Variants in MTPN observed in about 807,000 individuals in gnomAD.
MTPN encodes granule cell differentiation protein.
A neutral mutation model predicts 13.5 loss-of-function variants in MTPN; 2 were observed. The observed-to-expected ratio is 0.15, with a 90% CI of 0.06 to 0.47. The LOEUF is 0.47. Among genes scored for constraint, MTPN ranks in the 20% least tolerant of loss-of-function variants. The probability of loss-of-function intolerance (pLI) is 0.97; values close to 1 mark genes in which losing one functional copy is unlikely to be tolerated. For synonymous variants in MTPN, 46 were observed against 51.7 expected, an observed-to-expected ratio of 0.89 and a Z score of 0.48; for missense variants, 79 against 137.9, an observed-to-expected ratio of 0.57 and a Z score of 2.14.
At chr7:135,932,612 C>T (rs1799041103) in intron 3 of MTPN, 1 of 151,696 alleles carries the variant, frequency 6.6e-6, no homozygotes, top group Non-Finnish European at 1.5e-5. Context: ...ATATATACTT[C>T]TTTAAAAATA....
At chr7:135,954,566 T>A (rs1486106376) in intron 1 of MTPN, among the ~76,000 whole-genome samples, 1 of 152,214 alleles carries the variant, frequency 6.6e-6, no homozygotes, top group Non-Finnish European at 1.5e-5. Context: ...GACGAGTCTT[T>A]AGAGTGAGAC....
At chr7:135,961,934 G>C (rs1167440542) in intron 1 of MTPN, among the ~76,000 whole-genome samples, 1 of 151,954 alleles carries the variant, frequency 6.6e-6, no homozygotes, top group East Asian at 1.9e-4. Context: ...AGCTAGTTAT[G>C]AATTATCTGA....
rs1166194150 is a variant in MTPN, at chr7:135,951,519, T to C, written c.184A>G (p.Asn62Asp). 2.5e-6 allele frequency: 4 copies of C among 1,608,662 alleles called. No homozygotes were observed. Among genetic ancestry groups the C allele is most frequent in the Non-Finnish European group, 3.4e-6 (4 of 1,176,500 alleles). The change falls in exon 2 of 4, where the codon AAT becomes GAT. Residue 62 changes from asparagine (N) to aspartate (D), a missense_variant and splice_region_variant. Physicochemically the swap from Asn to Asp is conservative, Grantham distance 23 (BLOSUM62 1). Transcript: ENST00000393085. ...GAATGATCACGTCCTCTACGTACATTAATATCTGCTCCTTTCAGCAGCAGA... is the reference window on the plus strand; with the variant it reads ...GAATGATCACGTCCTCTACGTACATCAATATCTGCTCCTTTCAGCAGCAGA... ...EFLLLKGADI[N>D]APDKHHITPL...
Position 135,927,619 on chromosome 7 carries a change from AGTG to A in MTPN, c.*2304_*2306del. On this transcript the variant is annotated 3_prime_UTR_variant, in exon 4 of 4. Coordinates refer to ENST00000393085, the MANE Select transcript of MTPN (RefSeq NM_145808.4). ...TTAAGTGTTGTGAATTTGTCTGCCA[AGTG>A]GTTCAGAAATACATTATAAATAACC... is the stretch of plus-strand genomic sequence containing the variant. The A allele has an allele frequency of 1.5e-6, 1 of 667,132 alleles. No individual in the cohort carries two copies. The highest frequency in any genetic ancestry group is 2.8e-6 in the Non-Finnish European group (1 of 359,174). The allele number at this position is 667,132 out of a possible 1,614,324, so 41.3% of individuals were successfully genotyped here.
At chr7:135,950,759 T>C (rs1584812199) in intron 2 of MTPN, 77 bp from the exon 3 acceptor site, 1 of 1,148,786 alleles carries the variant, frequency 8.7e-7, no homozygotes, top group East Asian at 2.4e-5. Flanking sequence ...AGAAAACTCT[T>C]TCTAGATTTA....
At chr7:135,976,738 C>G (rs1799778714) in intron 1 of MTPN, among the ~76,000 whole-genome samples, 1 of 152,172 alleles carries the variant, frequency 6.6e-6, no homozygotes, top group African/African-American at 2.4e-5. Flanking sequence ...GCAGAAGAAA[C>G]TCTGGATGAG....
chr7:135,946,186 T>C (rs1272234386), intron 3 of MTPN, among the ~76,000 whole-genome samples: 1 of 152,216 alleles, frequency 6.6e-6, no homozygotes. Context: ...AGCCCCCTTC[T>C]AATGTGTTTG....
intron 1 of MTPN, among the ~76,000 whole-genome samples, chr7:135,972,226 C>T (rs1332092370): frequency 3.3e-5 from 4 of 121,732 alleles, no homozygotes; most frequent in South Asian, 2.6e-4. Context: ...CACGCGCACG[C>T]GCGCGCACAC....
chr7:135,950,082 G>C (rs1173053336), intron 3 of MTPN, among the ~76,000 whole-genome samples: 1 of 152,070 alleles, frequency 6.6e-6, no homozygotes, highest in Non-Finnish European at 1.5e-5. Flanking sequence ...GCTTATAATA[G>C]CAAAGACAAA....
chr7:135,950,786 G>A, intron 2 of MTPN, 104 bp from the exon 3 acceptor site: 2 of 885,618 alleles, frequency 2.3e-6, no homozygotes, highest in Non-Finnish European at 3.6e-6. Context: ...TGCCTTTCTA[G>A]AAAATCAATC....
At chr7:135,952,568 T>C (rs1476165784) in intron 1 of MTPN, among the ~76,000 whole-genome samples, 1 of 152,182 alleles carries the variant, frequency 6.6e-6, no homozygotes, top group Non-Finnish European at 1.5e-5. Flanking sequence ...AGAGTAGAGA[T>C]TTAAACCCAT....
chr7:135,977,101 C>A lies in MTPN; in HGVS notation c.-1G>T. The A allele has an allele frequency of 6.2e-7, 1 of 1,614,160 alleles. No homozygotes were observed. The highest frequency in any genetic ancestry group is 8.5e-7 in the Non-Finnish European group (1 of 1,180,036). ...CCCACATGAACTCCTTGTCGCACAT[C>A]ACTGCAGCGGGGCAGGCCGGTTGGC... On this transcript the variant is annotated 5_prime_UTR_variant, in exon 1 of 4. Coordinates refer to ENST00000393085, the MANE Select transcript of MTPN (RefSeq NM_145808.4).
At chr7:135,967,332 GAAC>G (rs1456948024) in intron 1 of MTPN, among the ~76,000 whole-genome samples, 1 of 152,066 alleles carries the variant, frequency 6.6e-6, no homozygotes, top group African/African-American at 2.4e-5. Flanking sequence ...AATCTATGCA[GAAC>G]AAAACAGACA....
chr7:135,930,389 G>A (rs1799000709), intron 3 of MTPN, among the ~76,000 whole-genome samples: 1 of 152,196 alleles, frequency 6.6e-6, no homozygotes, highest in African/African-American at 2.4e-5. Context: ...AAGTATTCCT[G>A]TGACAAATTA....
chr7:135,933,098 CAAAAAAA>C (rs56865854), intron 3 of MTPN, among the ~76,000 whole-genome samples: 5 of 63,066 alleles, frequency 7.9e-5, no homozygotes, highest in East Asian at 4.8e-4. Context: ...CACTCAGCCT[CAAAAAAA>C]AAAAAAAAAA....
chr7:135,934,218 C>T (rs1799077442), intron 3 of MTPN, among the ~76,000 whole-genome samples: 1 of 152,000 alleles, frequency 6.6e-6, no homozygotes, highest in Admixed American at 6.6e-5. Flanking sequence ...ATGAATTGAA[C>T]TAAGTTAATT....
At chr7:135,940,337 C>T (rs1799190030) in intron 3 of MTPN, among the ~76,000 whole-genome samples, 2 of 152,190 alleles carry the variant, frequency 1.3e-5, no homozygotes, top group South Asian at 4.1e-4. Context: ...TCTACTGGTG[C>T]AGGATGATTT....
At chr7:135,976,840 C>A (rs1473712665) in intron 1 of MTPN, among the ~76,000 whole-genome samples, 189 bp downstream of exon 1, 2 of 152,076 alleles carry the variant, frequency 1.3e-5, no homozygotes, top group Non-Finnish European at 2.9e-5. Flanking sequence ...CAGAACGCTA[C>A]CAAGTTACCT....
At chr7:135,975,015 A>G (rs939337173) in intron 1 of MTPN, among the ~76,000 whole-genome samples, 1 of 152,246 alleles carries the variant, frequency 6.6e-6, no homozygotes, top group African/African-American at 2.4e-5. Context: ...AGTTACAGTC[A>G]TATCTTTTTG....
Sources: gnomAD v4.1 joint callset for allele counts (sites outside exome capture counted in the v4.1 genomes callset) on GRCh38, gnomAD v4.1.1 for gene constraint, MANE v1.5 for transcripts, NCBI Gene and HGNC (gene_info 2026-07-23, HGNC 2026-07-21) for gene names.